The following NELL1 variants were observed in gnomAD, a reference collection of about 807,000 sequenced individuals.
NELL1 encodes protein kinase C-binding protein NELL1.
Under a neutral mutation model 107.4 loss-of-function variants are expected in NELL1, and 76 were observed. The ratio of observed to expected loss-of-function variants is 0.71; its 90% CI spans 0.59 to 0.86. NELL1 has a LOEUF of 0.86. Ranked by LOEUF, NELL1 falls within the 40% of genes least tolerant of loss-of-function variation. The pLI, the probability that NELL1 is intolerant of heterozygous loss-of-function variation, is 0.00. For missense variants in NELL1, 1,024 were observed against 1,005.5 expected (o/e 1.02, Z -0.25); for synonymous variants, 353 against 341.2 (o/e 1.03, Z -0.38).
chr11:20,786,209 G>GT (rs1270650860), intron 3 of NELL1, among the ~76,000 whole-genome samples: 1 of 151,882 alleles, frequency 6.6e-6, no homozygotes, highest in African/African-American at 2.4e-5. Flanking sequence ...AATTAGCTGG[G>GT]TGTGGTAGTG....
At chr11:20,788,520 G>C (rs183385066) in intron 3 of NELL1, among the ~76,000 whole-genome samples, 1 of 152,226 alleles carries the variant, frequency 6.6e-6, no homozygotes, top group East Asian at 1.9e-4. Flanking sequence ...TGTATATTCA[G>C]ATAATTTGCC....
At position 21,113,682 on chromosome 11, in the gene NELL1, G is replaced by T; in HGVS notation, c.1394G>T (p.Gly465Val). Reference protein sequence around the residue: ...PGLYRCDCVPGYIRVDDFSCT... With the variant: ...PGLYRCDCVPVYIRVDDFSCT... The stretch of plus-strand genomic sequence containing the variant: ...TTATATCGCTGTGACTGTGTCCCAG[G>T]ATACATTCGTGTGGATGACTTCTCT... The change falls in exon 13 of 20, where the codon GGA (glycine) becomes GTA (valine). Residue 465 changes from glycine (G) to valine (V), a missense_variant. Physicochemically the swap from Gly to Val is moderately radical, Grantham distance 109. Coordinates refer to ENST00000357134, the MANE Select transcript of NELL1 (RefSeq NM_006157.5). 6.2e-7 allele frequency: 1 copy of T among 1,612,012 alleles called. No individual in the cohort carries two copies. Among genetic ancestry groups the T allele is most frequent in the Non-Finnish European group, 8.5e-7 (1 of 1,178,646 alleles).
At position 21,240,435 on chromosome 11, in the gene NELL1, AT is replaced by A. The variant is rs1858323011; in HGVS notation, c.1549+10984del. On this transcript the variant is annotated intron_variant, in intron 14 of 19. Coordinates refer to ENST00000357134, the MANE Select transcript of NELL1 (RefSeq NM_006157.5). ...ATTTAGTTCTAAGAGAAGGAAGAGT[AT>A]TTAGGCCCAGAGAAGGTTACGCTTA... Among the ~76,000 whole-genome samples the A allele has an allele frequency of 3.9e-5, 6 of 152,112 alleles. No homozygotes were observed. The South Asian group carries it at 1.0e-3, about 26-fold the overall frequency.
intron 2 of NELL1, among the ~76,000 whole-genome samples, chr11:20,702,653 A>T (rs958044123): frequency 6.6e-6 from 1 of 152,142 alleles, no homozygotes; most frequent in Admixed American, 6.5e-5. Context: ...GGTTTGTCAT[A>T]AAAAGCTCTT....
chr11:21,175,112 A>G (rs1346100075), intron 13 of NELL1, among the ~76,000 whole-genome samples: 1 of 151,782 alleles, frequency 6.6e-6, no homozygotes, highest in African/African-American at 2.4e-5. Context: ...ATTGCTGTCT[A>G]AAATTAGTAG....
intron 12 of NELL1, among the ~76,000 whole-genome samples, chr11:20,962,196 G>A (rs1851304343): frequency 6.6e-6 from 1 of 151,484 alleles, no homozygotes; most frequent in Admixed American, 6.6e-5. Flanking sequence ...GTTAATTTGG[G>A]GTGATGGGAG....
intron 15 of NELL1, among the ~76,000 whole-genome samples, chr11:21,446,155 T>C (rs1448130393): frequency 6.6e-6 from 1 of 152,144 alleles, no homozygotes; most frequent in Non-Finnish European, 1.5e-5. Context: ...AGTATGTTAA[T>C]TGCATTTTTC....
chr11:21,225,755 T>C (rs769710853), intron 13 of NELL1, among the ~76,000 whole-genome samples: 39 of 152,258 alleles, frequency 2.6e-4, no homozygotes, highest in Non-Finnish European at 4.7e-4. Flanking sequence ...GTAGTAGTAG[T>C]AATAGTAGCA....
At chr11:21,389,674 C>T (rs906355911) in intron 15 of NELL1, among the ~76,000 whole-genome samples, 10 of 151,810 alleles carry the variant, frequency 6.6e-5, no homozygotes, top group African/African-American at 2.4e-4. Context: ...TCGAATCAGA[C>T]TATAAGGCCT....
At chr11:21,337,837 T>TTTCTTTTCTTTCTTTCTTTCTTTC (rs71034505) in intron 14 of NELL1, among the ~76,000 whole-genome samples, 20 of 86,646 alleles carry the variant, frequency 2.3e-4, no homozygotes, top group African/African-American at 7.1e-4. Context: ...TCTTTCTTTC[T>TTTCTTTTCTTTCTTTCTTTCTTTC]TTTCTTTCTT....
chr11:21,062,715 A>G (rs938450265), intron 12 of NELL1, among the ~76,000 whole-genome samples: 4 of 152,196 alleles, frequency 2.6e-5, no homozygotes, highest in Admixed American at 2.0e-4. Context: ...AAATCTGGGG[A>G]TTCTTATGGC....
chr11:21,148,912 T>G (rs1856047842), intron 13 of NELL1, among the ~76,000 whole-genome samples: 1 of 152,204 alleles, frequency 6.6e-6, no homozygotes, highest in Non-Finnish European at 1.5e-5. Flanking sequence ...ATTCTGCATA[T>G]GGAAAACTAA....
intron 12 of NELL1, among the ~76,000 whole-genome samples, chr11:21,026,456 C>G (rs1447684997): frequency 1.3e-5 from 2 of 152,140 alleles, no homozygotes; most frequent in East Asian, 3.9e-4. Flanking sequence ...TTGCTGGCTA[C>G]TCTGTTTAAA....
intron 15 of NELL1, among the ~76,000 whole-genome samples, chr11:21,509,058 CAAATT>C (rs1390730970): frequency 1.3e-5 from 2 of 151,896 alleles, no homozygotes; most frequent in South Asian, 2.1e-4. Flanking sequence ...AATAGTAAAA[CAAATT>C]AAGTGGGTAA....
intron 13 of NELL1, among the ~76,000 whole-genome samples, chr11:21,166,156 T>C (rs1407224138): frequency 6.6e-6 from 1 of 151,690 alleles, no homozygotes; most frequent in Non-Finnish European, 1.5e-5. Flanking sequence ...TTCTCACTAA[T>C]TTGTGGAAGC....
intron 2 of NELL1, among the ~76,000 whole-genome samples, chr11:20,734,293 T>C (rs889176470): frequency 3.9e-5 from 6 of 152,202 alleles, no homozygotes; most frequent in Admixed American, 6.5e-5. Context: ...TAGATTTTGT[T>C]TTCCATGGGT....
chr11:21,559,464 G>T (rs925072834), intron 16 of NELL1, among the ~76,000 whole-genome samples: 1 of 152,054 alleles, frequency 6.6e-6, no homozygotes, highest in Admixed American at 6.6e-5. Flanking sequence ...AGAATCGGCC[G>T]ACTGGATTTA....
rs370896735 is a variant in NELL1, at chr11:21,383,307, A to T, written c.1645+12359A>T. Reference sequence around the variant, plus strand: ...CTAACGTGGTTTTAAAGCATTTTCCAGTTTAAGAGAGACCTTGAAGTTATC... The same window carrying T: ...CTAACGTGGTTTTAAAGCATTTTCCTGTTTAAGAGAGACCTTGAAGTTATC... On this transcript the variant is annotated intron_variant, in intron 15 of 19. Transcript: ENST00000357134. Among the ~76,000 whole-genome samples the T allele has an allele frequency of 4.6e-5, 7 of 151,920 alleles. No individual in the cohort carries two copies. In the East Asian group the frequency reaches 1.2e-3, roughly 25 times the overall value.
chr11:20,926,234 G>A (rs1426631985), intron 7 of NELL1, among the ~76,000 whole-genome samples: 1 of 152,114 alleles, frequency 6.6e-6, no homozygotes, highest in Non-Finnish European at 1.5e-5. Context: ...ATATCAAAGT[G>A]CTGTATTTAG....
Sources: gnomAD v4.1 joint callset for allele counts (sites outside exome capture counted in the v4.1 genomes callset) on GRCh38, gnomAD v4.1.1 for gene constraint, MANE v1.5 for transcripts, NCBI Gene and HGNC (gene_info 2026-07-23, HGNC 2026-07-21) for gene names.